Variants in PARM1 observed in about 807,000 individuals in gnomAD.
The protein encoded by PARM1 is WSC4, cell wall integrity and stress response component 4 homolog.
In PARM1, 14 loss-of-function variants were observed where a neutral mutation model predicts 24.6. The ratio of observed to expected loss-of-function variants is 0.57; its 90% CI spans 0.38 to 0.89. The LOEUF (loss-of-function observed/expected upper bound fraction) is 0.89, where lower values mean the gene tolerates loss of function less well. Ranked by LOEUF, PARM1 falls within the 40% of genes least tolerant of loss-of-function variation. The probability of loss-of-function intolerance (pLI) is 0.00; values close to 1 mark genes in which losing one functional copy is unlikely to be tolerated. For missense variants in PARM1, 362 were observed against 380.4 expected (o/e 0.95, Z 0.40); for synonymous variants, 179 against 156.6 (o/e 1.14, Z -1.07).
chr4:75,015,581 A>G (rs755424152), intron 2 of PARM1, among the ~76,000 whole-genome samples: 81 of 152,212 alleles, frequency 5.3e-4, no homozygotes, highest in Non-Finnish European at 9.7e-4. Context: ...GAGATTTTAT[A>G]GTTTAAGTAG....
At chr4:74,963,822 A>G (rs1560777098) in intron 1 of PARM1, among the ~76,000 whole-genome samples, 1 of 152,236 alleles carries the variant, frequency 6.6e-6, no homozygotes, top group African/African-American at 2.4e-5. Flanking sequence ...ATATGTTTAC[A>G]TATTATAAAA....
chr4:75,004,659 GT>G (rs1487764259), intron 1 of PARM1, among the ~76,000 whole-genome samples: 23 of 152,164 alleles, frequency 1.5e-4, no homozygotes, highest in Admixed American at 1.2e-3. Flanking sequence ...AGGAGCTCAG[GT>G]TTTATCCCAA....
intron 3 of PARM1, among the ~76,000 whole-genome samples, chr4:75,037,346 G>C (rs771386962): frequency 1.3e-5 from 2 of 152,240 alleles, no homozygotes; most frequent in Non-Finnish European, 2.9e-5. Flanking sequence ...GCCCAGCCAA[G>C]TTCTCTGCAA....
intron 1 of PARM1, among the ~76,000 whole-genome samples, chr4:74,962,891 A>C (rs928770819): frequency 2.6e-5 from 4 of 152,224 alleles, no homozygotes; most frequent in Non-Finnish European, 5.9e-5. Flanking sequence ...CTGTACACTT[A>C]AAAACAGTTA....
chr4:74,954,455 C>T (rs529279588), intron 1 of PARM1, among the ~76,000 whole-genome samples: 8 of 152,310 alleles, frequency 5.3e-5, no homozygotes, highest in African/African-American at 1.9e-4. Context: ...GGACTTACTG[C>T]AAAGTTTCTA....
intron 1 of PARM1, among the ~76,000 whole-genome samples, chr4:74,983,485 G>A (rs1722297781): frequency 6.6e-6 from 1 of 152,180 alleles, no homozygotes; most frequent in Non-Finnish European, 1.5e-5. Flanking sequence ...TACCAGCTAT[G>A]AAACTTCAGT....
chr4:75,019,862 G>T (rs1402289361), intron 2 of PARM1, among the ~76,000 whole-genome samples: 1 of 150,332 alleles, frequency 6.7e-6, no homozygotes, highest in East Asian at 1.9e-4. Flanking sequence ...AATTAGCCGG[G>T]CGCGGTGGCG....
intron 2 of PARM1, among the ~76,000 whole-genome samples, chr4:75,033,579 C>T (rs960801364): frequency 6.6e-6 from 1 of 152,158 alleles, no homozygotes; most frequent in Non-Finnish European, 1.5e-5. Context: ...AGATTGATGT[C>T]ATTCTTAAAA....
intron 1 of PARM1, among the ~76,000 whole-genome samples, chr4:75,010,534 T>C (rs1202471456): frequency 2.6e-5 from 4 of 152,190 alleles, no homozygotes; most frequent in African/African-American, 9.6e-5. Context: ...CAATAAAAAA[T>C]TAAAAAAAAT....
At chr4:74,937,220 A>C (rs1417784762) in intron 1 of PARM1, among the ~76,000 whole-genome samples, 1 of 152,208 alleles carries the variant, frequency 6.6e-6, no homozygotes, top group Admixed American at 6.5e-5. Flanking sequence ...TAAAATACAC[A>C]AAATTGTGCA....
At chr4:74,961,004 C>CAAAAAAAAAAAAAAAAAAA (rs1161009878) in intron 1 of PARM1, among the ~76,000 whole-genome samples, 2 of 95,590 alleles carry the variant, frequency 2.1e-5, no homozygotes, top group African/African-American at 3.8e-5. Context: ...GACTCCGTCT[C>CAAAAAAAAAAAAAAAAAAA]AAAAAAAAAA....
At chr4:74,943,776 A>T (rs1721357594) in intron 1 of PARM1, among the ~76,000 whole-genome samples, 1 of 152,242 alleles carries the variant, frequency 6.6e-6, no homozygotes. Context: ...TAACCTGGTG[A>T]TGAAAAGTGA....
chr4:75,014,241 A>G (rs1381446720), intron 2 of PARM1, among the ~76,000 whole-genome samples: 1 of 152,200 alleles, frequency 6.6e-6, no homozygotes, highest in Non-Finnish European at 1.5e-5. Context: ...AACTAAGATT[A>G]ATGAAGACGT....
At chr4:75,046,106 G>C in intron 3 of PARM1, 57 bp from the exon 4 acceptor site, 1 of 1,128,094 alleles carries the variant, frequency 8.9e-7, no homozygotes, top group African/African-American at 1.5e-5. Flanking sequence ...GCATTACGCT[G>C]TCCTCAGATG....
chr4:74,988,047 G>T (rs1467437154), intron 1 of PARM1, among the ~76,000 whole-genome samples: 1 of 152,228 alleles, frequency 6.6e-6, no homozygotes, highest in Non-Finnish European at 1.5e-5. Flanking sequence ...CTTCATTATG[G>T]GAGAGATGGC....
chr4:75,013,225 CA>C (rs1178390947), intron 2 of PARM1, 75 bp downstream of exon 2: 1 of 1,453,130 alleles, frequency 6.9e-7, no homozygotes, highest in Non-Finnish European at 9.2e-7. Flanking sequence ...GAACCAAACA[CA>C]ATGGAAAATT....
chr4:75,012,666 G>A lies in PARM1; in HGVS notation c.285G>A (p.Ser95=), dbSNP rs755092882. 37 of 1,613,858 alleles carry A rather than the reference G, an allele frequency of 2.3e-5. No homozygotes were observed. The highest frequency in any genetic ancestry group is 3.1e-5 in the Non-Finnish European group (36 of 1,179,896). ...AAGAGGAGATCACCAGCCCAGGTTC[G>A]AATTGGGAAGGCACAAACACAGACC... ...SREEEITSPG[S]NWEGTNTDPS... The change falls in exon 2 of 4, where the codon TCG becomes TCA. Residue 95 remains serine (S), a synonymous_variant. Coordinates refer to ENST00000307428, the MANE Select transcript of PARM1 (RefSeq NM_015393.4).
intron 2 of PARM1, among the ~76,000 whole-genome samples, chr4:75,022,728 C>A (rs917150285): frequency 1.3e-5 from 2 of 152,064 alleles, no homozygotes; most frequent in Admixed American, 6.6e-5. Context: ...GATTCCATAC[C>A]CTGACTGAAC....
intron 1 of PARM1, among the ~76,000 whole-genome samples, chr4:75,008,135 T>G (rs1722807244): frequency 6.6e-6 from 1 of 152,232 alleles, no homozygotes; most frequent in Non-Finnish European, 1.5e-5. Flanking sequence ...CAGTGCATTA[T>G]GGAATGTACC....
Sources: gnomAD v4.1 joint callset for allele counts (sites outside exome capture counted in the v4.1 genomes callset) on GRCh38, gnomAD v4.1.1 for gene constraint, MANE v1.5 for transcripts, NCBI Gene and HGNC (gene_info 2026-07-23, HGNC 2026-07-21) for gene names.